DDX59: variants seen among roughly 807,000 people sequenced by gnomAD.
The protein encoded by DDX59 is DEAD-box helicase 59, also known as probable ATP-dependent RNA helicase DDX59.
In DDX59, 30 loss-of-function variants were observed where a neutral mutation model predicts 51.9. The ratio of observed to expected loss-of-function variants is 0.58; its 90% CI spans 0.43 to 0.78. The LOEUF (loss-of-function observed/expected upper bound fraction) is 0.78. Ranked by LOEUF, DDX59 falls within the 30% of genes least tolerant of loss-of-function variation. DDX59 has a pLI of 0.00. For synonymous variants in DDX59, 255 were observed against 253.3 expected, an observed-to-expected ratio of 1.01 and a Z score of -0.06; for missense variants, 672 against 730.8, an observed-to-expected ratio of 0.92 and a Z score of 0.93.
intron 4 of DDX59, among the ~76,000 whole-genome samples, chr1:200,652,517 A>G (rs991749282): frequency 1.3e-5 from 2 of 151,790 alleles, no homozygotes; most frequent in Non-Finnish European, 2.9e-5. Context: ...CTACAGGCAC[A>G]TGCCACCACA....
chr1:200,656,110 G>A (rs1408767876), intron 4 of DDX59, among the ~76,000 whole-genome samples: 10 of 152,202 alleles, frequency 6.6e-5, no homozygotes, highest in Admixed American at 1.3e-4. Flanking sequence ...GATTACAGGC[G>A]TGAGCCAACG....
intron 4 of DDX59, chr1:200,654,303 C>T (rs1036691072): frequency 6.6e-6 from 1 of 152,118 alleles, no homozygotes. Context: ...GTCCCAGCTA[C>T]TCGGGAGGCT....
Position 200,644,335 on chromosome 1 carries a change from T to C in DDX59, c.1779A>G (p.Lys593=). The change falls in exon 8 of 8, where the codon AAA becomes AAG. Residue 593 remains lysine, a synonymous_variant. Coordinates refer to ENST00000331314, the MANE Select transcript of DDX59 (RefSeq NM_001031725.6). The part of the protein sequence containing the change: ...DQKRKEQQKD[K]QTQNDLVTGA... ...CTGTAACCAGATCATTCTGTGTCTGTTTATCTTTCTGTTGTTCCTTTCTCT... is the reference window on the plus strand; with the variant it reads ...CTGTAACCAGATCATTCTGTGTCTGCTTATCTTTCTGTTGTTCCTTTCTCT... 6.2e-7 allele frequency: 1 copy of C among 1,613,842 alleles called. No homozygotes were observed. The highest frequency in any genetic ancestry group is 8.5e-7 in the Non-Finnish European group (1 of 1,179,896).
At chr1:200,648,128 A>C (rs950262681) in intron 7 of DDX59, among the ~76,000 whole-genome samples, 1 of 150,576 alleles carries the variant, frequency 6.6e-6, no homozygotes, top group Non-Finnish European at 1.5e-5. Flanking sequence ...AGTTCAAGCG[A>C]TTTTCCTGCC....
At chr1:200,648,676 A>G in intron 6 of DDX59, 109 bp from the exon 7 acceptor site, 1 of 1,312,934 alleles carries the variant, frequency 7.6e-7, no homozygotes. Context: ...TTTTATTGCA[A>G]TATTTTTTCA....
intron 4 of DDX59, among the ~76,000 whole-genome samples, chr1:200,658,727 T>C (rs559571381): frequency 7.2e-5 from 11 of 152,140 alleles, no homozygotes; most frequent in Non-Finnish European, 1.6e-4. Flanking sequence ...TGACTATTTT[T>C]GTAAACAAAT....
chr1:200,648,676 A>T, intron 6 of DDX59, 109 bp from the exon 7 acceptor site: 3 of 1,312,934 alleles, frequency 2.3e-6, no homozygotes, highest in Non-Finnish European at 3.1e-6. Context: ...TTTTATTGCA[A>T]TATTTTTTCA....
chr1:200,658,237 G>C (rs1322762013), intron 4 of DDX59, among the ~76,000 whole-genome samples: 3 of 152,326 alleles, frequency 2.0e-5, no homozygotes, highest in African/African-American at 7.2e-5. Flanking sequence ...GCCCAGGGTG[G>C]GCTGGCACAT....
intron 7 of DDX59, among the ~76,000 whole-genome samples, chr1:200,647,567 C>T (rs1571609830): frequency 6.7e-6 from 1 of 149,460 alleles, no homozygotes; most frequent in Admixed American, 6.7e-5. Context: ...TTTTTGGTTA[C>T]TTCTAGTTTT....
chr1:200,647,056 A>T (rs973245098), intron 7 of DDX59, among the ~76,000 whole-genome samples: 26 of 152,226 alleles, frequency 1.7e-4, no homozygotes, highest in African/African-American at 1.9e-4. Flanking sequence ...ATAAAAAGAG[A>T]AGTAGTACTG....
chr1:200,660,046 G>C (rs764133154), intron 3 of DDX59, among the ~76,000 whole-genome samples: 1 of 152,050 alleles, frequency 6.6e-6, no homozygotes, highest in Non-Finnish European at 1.5e-5. Context: ...TCTCCCCTGT[G>C]CTTCTAAGCT....
intron 3 of DDX59, among the ~76,000 whole-genome samples, chr1:200,661,921 C>G (rs544862238): frequency 6.6e-6 from 1 of 152,244 alleles, no homozygotes; most frequent in South Asian, 2.1e-4. Flanking sequence ...GTTTAACACC[C>G]TTCCCCTTGG....
At chr1:200,659,182 A>G in intron 3 of DDX59, 66 bp from the exon 4 acceptor site, 2 of 1,264,494 alleles carry the variant, frequency 1.6e-6, no homozygotes, top group Non-Finnish European at 1.1e-6. Context: ...TTCATTCCAT[A>G]TTGATTGAGC....
At chr1:200,657,362 T>C (rs1452376932) in intron 4 of DDX59, among the ~76,000 whole-genome samples, 5 of 152,092 alleles carry the variant, frequency 3.3e-5, no homozygotes, top group African/African-American at 9.7e-5. Context: ...GGTGACAGTA[T>C]TGTCTAATGA....
downstream of DDX59, among the ~76,000 whole-genome samples, chr1:200,642,627 G>C (rs1039883973): frequency 6.6e-6 from 1 of 152,206 alleles, no homozygotes; most frequent in Non-Finnish European, 1.5e-5. Flanking sequence ...AGAAGCAGAA[G>C]TCAAGATTCA....
intron 3 of DDX59, among the ~76,000 whole-genome samples, chr1:200,659,553 A>C (rs570445997): frequency 7.3e-4 from 111 of 152,304 alleles, no homozygotes; most frequent in Admixed American, 1.4e-3. Context: ...AGGCAGTTTG[A>C]TTGCTATGGT....
rs546799731 is a variant in DDX59 at position 200,644,523 on chromosome 1, A to C, written c.1597-6T>G. The C allele has an allele frequency of 3.2e-6, 5 of 1,553,858 alleles. No individual in the cohort carries two copies. The highest frequency in any genetic ancestry group is 4.3e-6 in the Non-Finnish European group (5 of 1,153,080). On this transcript the variant is annotated splice_polypyrimidine_tract_variant and splice_region_variant and intron_variant, in intron 7 of 7. Coordinates refer to ENST00000331314, the MANE Select transcript of DDX59 (RefSeq NM_001031725.6). ...AATCTTCCTACTCTTCCAATCTGAA[A>C]TAAAATGCAAAGAACATTTTCAAGA... is the stretch of plus-strand genomic sequence containing the variant.
In DDX59 at chr1:200,664,157, C is replaced by T. The variant is rs1185513943; in HGVS notation, c.805-71G>A. ...CCTGCTGATATGAACTAAATCTTCA[C>T]AAGGATTCCAGGAACATGGCCCCTT... On this transcript the variant is annotated intron_variant, in intron 2 of 7. Transcript: ENST00000331314. The T allele has an allele frequency of 3.3e-6, 5 of 1,512,336 alleles. No individual in the cohort carries two copies. In the African/African-American group the frequency reaches 7.0e-5, roughly 21 times the overall value. 93.7% of individuals were successfully genotyped at this position (1,512,336 alleles called of 1,614,324 possible). A position where few individuals can be genotyped will look rare whatever the true frequency, so the allele number is the denominator to read the frequency against.
At chr1:200,642,610 A>G (rs565109488), downstream of DDX59, among the ~76,000 whole-genome samples, 2 of 152,362 alleles carry the variant, frequency 1.3e-5, no homozygotes, top group South Asian at 4.1e-4. Context: ...AAAGATCTTA[A>G]GGAATGAGAA....
Sources: gnomAD v4.1 joint callset for allele counts (sites outside exome capture counted in the v4.1 genomes callset) on GRCh38, gnomAD v4.1.1 for gene constraint, MANE v1.5 for transcripts, NCBI Gene and HGNC (gene_info 2026-07-23, HGNC 2026-07-21) for gene names.